The following RBM47 variants were observed in gnomAD, a reference collection of about 807,000 sequenced individuals.
RBM47 encodes RNA-binding protein 47.
In RBM47, 21 loss-of-function variants were observed where a neutral mutation model predicts 47.1. The ratio of observed to expected loss-of-function variants is 0.45; its 90% CI spans 0.32 to 0.64. RBM47 has a LOEUF of 0.64. Ranked by LOEUF, RBM47 falls within the 30% of genes least tolerant of loss-of-function variation. The probability of loss-of-function intolerance (pLI) is 0.05; values close to 1 mark genes in which losing one functional copy is unlikely to be tolerated. For synonymous variants in RBM47, 375 were observed against 361.7 expected (o/e 1.04, Z -0.42); for missense variants, 708 against 870.9 (o/e 0.81, Z 2.35).
chr4:40,442,818 C>T (rs545256665), intron 3 of RBM47, among the ~76,000 whole-genome samples: 15 of 152,244 alleles, frequency 9.9e-5, no homozygotes, highest in South Asian at 2.1e-4. Flanking sequence ...GGACTACAGG[C>T]GCACACCACC....
chr4:40,577,310 G>A (rs76661029), intron 1 of RBM47, among the ~76,000 whole-genome samples: 114 of 152,222 alleles, frequency 7.5e-4, no homozygotes, highest in Non-Finnish European at 1.4e-3. Context: ...GCTGGTGGCC[G>A]AATCTAACAC....
At chr4:40,490,552 A>C (rs1372120357) in intron 2 of RBM47, among the ~76,000 whole-genome samples, 1 of 152,190 alleles carries the variant, frequency 6.6e-6, no homozygotes, top group Non-Finnish European at 1.5e-5. Context: ...CATCAAAAAT[A>C]ATACAAGTGT....
At chr4:40,503,576 G>T (rs1723690983) in intron 2 of RBM47, among the ~76,000 whole-genome samples, 1 of 152,064 alleles carries the variant, frequency 6.6e-6, no homozygotes, top group Non-Finnish European at 1.5e-5. Flanking sequence ...CCCTCACCTT[G>T]GACAGTGTTT....
chr4:40,461,816 T>A (rs1228165504), intron 3 of RBM47, among the ~76,000 whole-genome samples: 2 of 151,562 alleles, frequency 1.3e-5, no homozygotes, highest in African/African-American at 4.9e-5. Context: ...GCGCCTGTAA[T>A]CCCAACTACT....
chr4:40,536,882 C>T (rs560758089), intron 2 of RBM47, among the ~76,000 whole-genome samples: 2 of 152,156 alleles, frequency 1.3e-5, no homozygotes, highest in African/African-American at 2.4e-5. Context: ...GCTGCCACCA[C>T]GCCAGGCTAA....
intron 4 of RBM47, 68 bp downstream of exon 4, chr4:40,437,703 C>T: frequency 6.9e-7 from 1 of 1,447,154 alleles, no homozygotes; most frequent in South Asian, 1.3e-5. Context: ...GCCACGGTAT[C>T]CCTGGTGCCC....
In RBM47 at chr4:40,438,772, C is replaced by T. The variant is rs371872185; in HGVS notation, c.122G>A (p.Arg41His). The change falls in exon 4 of 7, where the codon CGC (arginine) becomes CAC (histidine). Residue 41 changes from arginine (R) to histidine (H), a missense_variant. Physicochemically the swap from Arg to His is conservative, Grantham distance 29 (BLOSUM62 0). Coordinates refer to ENST00000295971, the MANE Select transcript of RBM47 (RefSeq NM_001098634.2). The stretch of plus-strand genomic sequence containing the variant: ...CTCTTGCACCATGCTGTAGCCCGTG[C>T]GCTCCATCAGCGCCAGCAGTGCTGC... The part of the protein sequence containing the change: ...NEAALLALME[R>H]TGYSMVQENG... The T allele has an allele frequency of 7.6e-6, 12 of 1,570,544 alleles. No individual in the cohort carries two copies. The African/African-American group carries it at 1.1e-4, about 14-fold the overall frequency.
At chr4:40,542,735 T>C (rs945990864) in intron 2 of RBM47, 1 of 152,104 alleles carries the variant, frequency 6.6e-6, no homozygotes, top group Non-Finnish European at 1.5e-5. Context: ...ACAGGTCTCA[T>C]TATGTTGCCC....
chr4:40,441,326 C>A, intron 3 of RBM47, among the ~76,000 whole-genome samples: 1 of 151,688 alleles, frequency 6.6e-6, no homozygotes, highest in Non-Finnish European at 1.5e-5. Context: ...CTATGTTACC[C>A]CAGCTAGTCT....
At chr4:40,468,701 C>G (rs1464587491) in intron 2 of RBM47, among the ~76,000 whole-genome samples, 1 of 152,120 alleles carries the variant, frequency 6.6e-6, no homozygotes, top group African/African-American at 2.4e-5. Context: ...TTACCATGAT[C>G]TAGTTTTAAT....
At chr4:40,607,140 T>C (rs1735836052) in intron 1 of RBM47, among the ~76,000 whole-genome samples, 1 of 152,228 alleles carries the variant, frequency 6.6e-6, no homozygotes, top group African/African-American at 2.4e-5. Flanking sequence ...AAATCTGGTA[T>C]GTCCGTACAA....
chr4:40,515,840 G>C (rs542467934), intron 2 of RBM47: 4 of 152,158 alleles, frequency 2.6e-5, no homozygotes, highest in African/African-American at 7.2e-5. Flanking sequence ...ATGTCAGAAG[G>C]GTTGTTGTCA....
intron 3 of RBM47, among the ~76,000 whole-genome samples, chr4:40,439,933 G>A (rs1713366538): frequency 6.6e-6 from 1 of 152,146 alleles, no homozygotes; most frequent in East Asian, 1.9e-4. Flanking sequence ...TGTGGCTACT[G>A]AGCACTTGGA....
rs1224824541 is a variant in RBM47, at chr4:40,505,379, C to T, written c.-154-38680G>A. ...TGGTGGTATGTGCCTGTGTTCCCAG[C>T]TACTTGGGAAGCTGAGGCTGGGGAA... is the stretch of plus-strand genomic sequence containing the variant. On this transcript the variant is annotated intron_variant, in intron 2 of 6. Transcript: ENST00000295971. Among the ~76,000 whole-genome samples, 6 of 151,110 alleles carry T rather than the reference C, an allele frequency of 4.0e-5. No individual in the cohort carries two copies. The East Asian group carries it at 1.2e-3, about 30-fold the overall frequency.
intron 2 of RBM47, among the ~76,000 whole-genome samples, chr4:40,474,690 A>G (rs892184366): frequency 1.3e-5 from 2 of 152,208 alleles, no homozygotes; most frequent in Admixed American, 6.5e-5. Flanking sequence ...ATATTACCTA[A>G]TCTCTGTTAT....
chr4:40,594,043 C>T (rs1403420558), intron 1 of RBM47, among the ~76,000 whole-genome samples: 1 of 151,820 alleles, frequency 6.6e-6, no homozygotes, highest in East Asian at 1.9e-4. Context: ...CAGAGCAAGA[C>T]CCCATCTCAA....
In RBM47 at chr4:40,545,784, G is replaced by T. The variant is rs1356771327; in HGVS notation, c.-239-1278C>A. ...GGGAAGCTCACAGGTTTGACCAGGT[G>T]CTCGAAACTCCACTCTACTGCTTGC... On this transcript the variant is annotated intron_variant, in intron 1 of 6. Coordinates refer to ENST00000295971, the MANE Select transcript of RBM47 (RefSeq NM_001098634.2). Among the ~76,000 whole-genome samples, 5 of 152,100 alleles carry T rather than the reference G, an allele frequency of 3.3e-5. No homozygotes were observed. In the East Asian group the frequency reaches 9.6e-4, roughly 29 times the overall value.
chr4:40,470,835 C>T (rs538841749), intron 2 of RBM47, among the ~76,000 whole-genome samples: 13 of 152,220 alleles, frequency 8.5e-5, no homozygotes, highest in South Asian at 8.3e-4. Flanking sequence ...CTCTGCTTCC[C>T]GGGTTCAAGT....
intron 2 of RBM47, among the ~76,000 whole-genome samples, chr4:40,485,202 A>G (rs1383591987): frequency 6.6e-6 from 1 of 152,236 alleles, no homozygotes; most frequent in Non-Finnish European, 1.5e-5. Flanking sequence ...ATTGTTATTG[A>G]CAAGAATTCC....
Sources: allele counts gnomAD v4.1 joint callset (sites outside exome capture counted in the v4.1 genomes callset), GRCh38; gene constraint gnomAD v4.1.1; transcripts MANE v1.5; gene names NCBI Gene and HGNC (gene_info 2026-07-23, HGNC 2026-07-21).